DOCK3: variants seen among roughly 807,000 people sequenced by gnomAD.
DOCK3 encodes the protein dedicator of cytokinesis 3, also known as dedicator of cytokinesis protein 3.
In DOCK3, 60 loss-of-function variants were observed where a neutral mutation model predicts 265.6. The observed-to-expected ratio is 0.23, with a 90% CI of 0.18 to 0.28. DOCK3 has a LOEUF of 0.28. Among genes scored for constraint, DOCK3 ranks in the 10% least tolerant of loss-of-function variants. DOCK3 has a pLI of 1.00. For missense variants in DOCK3, 1,981 were observed against 2,594.3 expected, an observed-to-expected ratio of 0.76 and a Z score of 5.14; for synonymous variants, 881 against 938.0, an observed-to-expected ratio of 0.94 and a Z score of 1.11.
chr3:50,975,933 G>A (rs559346439), intron 5 of DOCK3, among the ~76,000 whole-genome samples: 1 of 150,058 alleles, frequency 6.7e-6, no homozygotes, highest in African/African-American at 2.5e-5. Context: ...TTTGCGTAGA[G>A]GTGTTTGTAG....
At position 50,710,103 on chromosome 3, in the gene DOCK3, C is replaced by T. The variant is rs1284136920; in HGVS notation, c.37+34803C>T. Among the ~76,000 whole-genome samples the T allele has an allele frequency of 2.9e-4, 44 of 152,064 alleles. 1 individual carries two copies. Among genetic ancestry groups the T allele is most frequent in the Non-Finnish European group, 4.4e-5 (3 of 68,022 alleles). On this transcript the variant is annotated intron_variant, in intron 1 of 52. Transcript: ENST00000266037. Reference sequence around the variant, plus strand: ...TCAGAAAAACTCTTCTAAACATTGGCTTAGGCAGAGTTCTTGACCAAGAGC... The same window carrying T: ...TCAGAAAAACTCTTCTAAACATTGGTTTAGGCAGAGTTCTTGACCAAGAGC...
intron 38 of DOCK3, among the ~76,000 whole-genome samples, chr3:51,341,970 C>A (rs1214161171): frequency 6.6e-6 from 1 of 152,226 alleles, no homozygotes; most frequent in East Asian, 1.9e-4. Flanking sequence ...CTCCTCCCAT[C>A]TCTGGGAGAG....
At chr3:50,878,667 G>C (rs1486815008) in intron 3 of DOCK3, among the ~76,000 whole-genome samples, 1 of 152,170 alleles carries the variant, frequency 6.6e-6, no homozygotes, top group East Asian at 1.9e-4. Context: ...GTACCTGAAA[G>C]TGACAGGGAG....
intron 1 of DOCK3, among the ~76,000 whole-genome samples, chr3:50,766,845 G>A (rs967758849): frequency 6.6e-6 from 1 of 152,138 alleles, no homozygotes; most frequent in African/African-American, 2.4e-5. Flanking sequence ...TCTCATTGTG[G>A]TTTTGATTTG....
intron 4 of DOCK3, among the ~76,000 whole-genome samples, chr3:50,932,856 A>G (rs886758836): frequency 3.3e-5 from 5 of 152,186 alleles, no homozygotes; most frequent in Non-Finnish European, 7.3e-5. Flanking sequence ...AAAATCTTTC[A>G]TTGTACTTGT....
chr3:50,691,011 G>A (rs563911536), intron 1 of DOCK3, among the ~76,000 whole-genome samples: 53 of 151,818 alleles, frequency 3.5e-4, no homozygotes, highest in Non-Finnish European at 6.6e-4. Context: ...GGCCGGGCGC[G>A]GTGGCTCATG....
intron 27 of DOCK3, among the ~76,000 whole-genome samples, chr3:51,293,984 G>C (rs2081932696): frequency 6.6e-6 from 1 of 152,168 alleles, no homozygotes; most frequent in Non-Finnish European, 1.5e-5. Flanking sequence ...GGGAACTCTT[G>C]TACACTGTTA....
chr3:51,206,009 T>C (rs1312554664), intron 12 of DOCK3, among the ~76,000 whole-genome samples: 1 of 152,230 alleles, frequency 6.6e-6, no homozygotes, highest in Non-Finnish European at 1.5e-5. Flanking sequence ...CCATTGGTGC[T>C]CCCATCCTCC....
chr3:50,963,224 C>G (rs984880437), intron 5 of DOCK3, among the ~76,000 whole-genome samples: 2 of 152,138 alleles, frequency 1.3e-5, no homozygotes, highest in Admixed American at 6.5e-5. Flanking sequence ...AATCTTCTTG[C>G]AAAACATTAT....
At chr3:51,227,235 G>A in intron 15 of DOCK3, 48 bp from the exon 16 acceptor site, 1 of 1,598,642 alleles carries the variant, frequency 6.3e-7, no homozygotes, top group Admixed American at 1.7e-5. Flanking sequence ...CAGAAATCCA[G>A]ACATTCCTAC....
At chr3:51,121,024 A>G (rs1416963988) in intron 9 of DOCK3, among the ~76,000 whole-genome samples, 1 of 152,122 alleles carries the variant, frequency 6.6e-6, no homozygotes, top group Non-Finnish European at 1.5e-5. Context: ...GGAAAAAAAC[A>G]AACAAACAAA....
intron 1 of DOCK3, among the ~76,000 whole-genome samples, chr3:50,681,685 A>C (rs564066105): frequency 9.2e-5 from 14 of 152,338 alleles, no homozygotes; most frequent in African/African-American, 2.9e-4. Context: ...AAAGATAATT[A>C]CTATGTTGGG....
chr3:51,202,630 A>T (rs559225552), intron 12 of DOCK3, among the ~76,000 whole-genome samples: 12 of 152,126 alleles, frequency 7.9e-5, no homozygotes, highest in Non-Finnish European at 1.5e-4. Flanking sequence ...ACTATTCCAA[A>T]CAATAGAAAA....
intron 12 of DOCK3, among the ~76,000 whole-genome samples, chr3:51,161,000 T>C (rs933192011): frequency 1.4e-5 from 2 of 147,724 alleles, no homozygotes; most frequent in African/African-American, 5.0e-5. Context: ...TGCTTGAACC[T>C]GGGAGGCAGA....
intron 5 of DOCK3, among the ~76,000 whole-genome samples, chr3:50,946,544 TCTTC>T (rs1268421857): frequency 1.3e-5 from 2 of 152,214 alleles, no homozygotes. Flanking sequence ...TCCAGAATCT[TCTTC>T]CTTGTTAAAA....
chr3:51,185,387 T>C (rs1227538605), intron 12 of DOCK3, among the ~76,000 whole-genome samples: 1 of 152,194 alleles, frequency 6.6e-6, no homozygotes, highest in Non-Finnish European at 1.5e-5. Context: ...TGTCCAACAT[T>C]CTTTCTGTAC....
At chr3:51,006,947 A>G (rs148948758) in intron 5 of DOCK3, among the ~76,000 whole-genome samples, 2,891 of 152,320 alleles carry the variant, frequency 0.019, 104 homozygotes, top group African/African-American at 0.066. Flanking sequence ...TACAAAGGAC[A>G]TGAACTCATC....
chr3:51,191,507 G>A (rs1188135065), intron 12 of DOCK3, among the ~76,000 whole-genome samples: 2 of 152,102 alleles, frequency 1.3e-5, no homozygotes, highest in East Asian at 1.9e-4. Flanking sequence ...TAGGATTAAG[G>A]CCTTCCCCTG....
intron 3 of DOCK3, chr3:50,877,639 A>T: frequency 2.3e-6 from 1 of 430,694 alleles, no homozygotes; most frequent in Non-Finnish European, 4.5e-6. Flanking sequence ...TAGGGCTTCA[A>T]TGGCAGCCAC....
Sources: gnomAD v4.1 joint callset for allele counts (sites outside exome capture counted in the v4.1 genomes callset) on GRCh38, gnomAD v4.1.1 for gene constraint, MANE v1.5 for transcripts, NCBI Gene and HGNC (gene_info 2026-07-23, HGNC 2026-07-21) for gene names.